LCLAT1: variants seen among roughly 807,000 people sequenced by gnomAD.
LCLAT1 encodes the protein lysocardiolipin acyltransferase 1.
Under a neutral mutation model 30.7 loss-of-function variants are expected in LCLAT1, and 11 were observed. That is an observed-to-expected ratio of 0.36 (90% CI 0.23 to 0.59). LCLAT1 has a LOEUF of 0.59. LCLAT1 is among the 20% of genes least tolerant of loss of function. The pLI is 0.77. For missense variants in LCLAT1, 402 were observed against 458.6 expected, an observed-to-expected ratio of 0.88 and a Z score of 1.13; for synonymous variants, 155 against 151.3, an observed-to-expected ratio of 1.02 and a Z score of -0.18.
At chr2:30,520,973 A>G (rs1216937602) in intron 1 of LCLAT1, among the ~76,000 whole-genome samples, 1 of 152,172 alleles carries the variant, frequency 6.6e-6, no homozygotes, top group African/African-American at 2.4e-5. Flanking sequence ...ACATTTTCAG[A>G]CAGTTAAGGC....
chr2:30,518,308 A>T (rs1202557152), intron 1 of LCLAT1, among the ~76,000 whole-genome samples: 2 of 152,210 alleles, frequency 1.3e-5, no homozygotes, highest in Admixed American at 1.3e-4. Context: ...AGGACAATAA[A>T]TAGTTCCTCC....
At chr2:30,584,207 G>A (rs150959938) in intron 5 of LCLAT1, among the ~76,000 whole-genome samples, 1 of 152,286 alleles carries the variant, frequency 6.6e-6, no homozygotes, top group Non-Finnish European at 1.5e-5. Flanking sequence ...CCGTGTAGCA[G>A]TTTAACTGTA....
intron 5 of LCLAT1, among the ~76,000 whole-genome samples, chr2:30,568,421 A>G (rs968290777): frequency 2.6e-5 from 3 of 114,726 alleles, no homozygotes; most frequent in African/African-American, 6.0e-5. Context: ...TCTATATTAC[A>G]TATATATATA....
intron 1 of LCLAT1, among the ~76,000 whole-genome samples, chr2:30,475,238 A>T (rs1053769512): frequency 1.3e-5 from 2 of 152,024 alleles, no homozygotes; most frequent in African/African-American, 4.8e-5. Context: ...GGCTCAAGTG[A>T]TACTTCTGTC....
chr2:30,471,406 C>T (rs1197330875), intron 1 of LCLAT1, among the ~76,000 whole-genome samples: 8 of 151,616 alleles, frequency 5.3e-5, no homozygotes, highest in Admixed American at 2.0e-4. Flanking sequence ...GACAGGGTTT[C>T]GCCATGTTGC....
At chr2:30,530,781 C>A (rs1318505485) in intron 2 of LCLAT1, among the ~76,000 whole-genome samples, 2 of 152,096 alleles carry the variant, frequency 1.3e-5, no homozygotes, top group African/African-American at 4.8e-5. Context: ...TGGCTTCAAG[C>A]GATCTTCCTG....
intron 1 of LCLAT1, among the ~76,000 whole-genome samples, chr2:30,492,944 G>T (rs1683905389): frequency 6.6e-6 from 1 of 152,058 alleles, no homozygotes; most frequent in Non-Finnish European, 1.5e-5. Flanking sequence ...ACTAAAATTA[G>T]CCCTTTTTAA....
chr2:30,580,101 CTG>C (rs1425588786), intron 5 of LCLAT1, among the ~76,000 whole-genome samples: 4 of 152,104 alleles, frequency 2.6e-5, no homozygotes, highest in Non-Finnish European at 5.9e-5. Context: ...TAGGAAAAGA[CTG>C]TGATTCATCC....
intron 5 of LCLAT1, among the ~76,000 whole-genome samples, chr2:30,595,886 A>G (rs1666908200): frequency 6.6e-6 from 1 of 152,104 alleles, no homozygotes; most frequent in Admixed American, 6.5e-5. Context: ...TACAAGTGAG[A>G]ACATGTAGTG....
At chr2:30,551,987 G>T (rs1664701177) in intron 3 of LCLAT1, among the ~76,000 whole-genome samples, 1 of 152,110 alleles carries the variant, frequency 6.6e-6, no homozygotes, top group African/African-American at 2.4e-5. Context: ...ATTCCCCTTT[G>T]CTGTATAACA....
intron 1 of LCLAT1, among the ~76,000 whole-genome samples, chr2:30,466,205 C>T (rs1373793011): frequency 1.4e-5 from 2 of 146,570 alleles, no homozygotes; most frequent in Non-Finnish European, 3.0e-5. Context: ...TTTTAAAGTT[C>T]CGCTGTTTTT....
chr2:30,515,223 A>G (rs1035619764), intron 1 of LCLAT1, among the ~76,000 whole-genome samples: 7 of 152,124 alleles, frequency 4.6e-5, no homozygotes, highest in Admixed American at 3.9e-4. Context: ...AGCAGAGTTC[A>G]TCTTGTCTAC....
At chr2:30,578,216 A>T (rs965121269) in intron 5 of LCLAT1, among the ~76,000 whole-genome samples, 2 of 152,246 alleles carry the variant, frequency 1.3e-5, no homozygotes, top group South Asian at 4.1e-4. Context: ...AGAAATTCTG[A>T]TAACTTGTGA....
At chr2:30,634,620 T>G (rs919341458) in intron 5 of LCLAT1, among the ~76,000 whole-genome samples, 2 of 152,162 alleles carry the variant, frequency 1.3e-5, no homozygotes, top group African/African-American at 4.8e-5. Flanking sequence ...AAATAATAAT[T>G]TAAAGCATCT....
intron 3 of LCLAT1, among the ~76,000 whole-genome samples, chr2:30,556,742 C>CTTT (rs35188565): frequency 1.7e-5 from 2 of 114,852 alleles, no homozygotes; most frequent in Non-Finnish European, 3.6e-5. Context: ...TTTAGAAAGT[C>CTTT]TTTTTTTTTT....
chr2:30,552,415 A>G, intron 3 of LCLAT1: 1 of 342,674 alleles, frequency 2.9e-6, no homozygotes, highest in Non-Finnish European at 6.0e-6. Context: ...AATTATATTT[A>G]GAATTAAGTT....
At chr2:30,536,177 A>T (rs1245530522) in intron 3 of LCLAT1, among the ~76,000 whole-genome samples, 1 of 152,186 alleles carries the variant, frequency 6.6e-6, no homozygotes, top group Non-Finnish European at 1.5e-5. Flanking sequence ...TTTTTGCATT[A>T]TGGGAGTTGG....
chr2:30,494,331 G>A (rs1683987209), intron 1 of LCLAT1, among the ~76,000 whole-genome samples: 1 of 152,120 alleles, frequency 6.6e-6, no homozygotes, highest in Non-Finnish European at 1.5e-5. Flanking sequence ...AAGTTTGTGT[G>A]AACTTCGACA....
intron 5 of LCLAT1, among the ~76,000 whole-genome samples, chr2:30,614,665 G>A (rs1489215645): frequency 5.3e-5 from 8 of 152,166 alleles, no homozygotes; most frequent in Non-Finnish European, 8.8e-5. Flanking sequence ...AGGGAGTTAT[G>A]AAATTAGTAA....
Sources: gnomAD v4.1 joint callset for allele counts (sites outside exome capture counted in the v4.1 genomes callset) on GRCh38, gnomAD v4.1.1 for gene constraint, MANE v1.5 for transcripts, NCBI Gene and HGNC (gene_info 2026-07-23, HGNC 2026-07-21) for gene names.